The following KCNMA1 variants were observed in gnomAD, a reference collection of about 807,000 sequenced individuals.
KCNMA1 encodes the protein Calcium-activated potassium channel subunit alpha-1.
KCNMA1 carries 29 observed loss-of-function variants against 140.0 expected under a neutral mutation model. The ratio of observed to expected loss-of-function variants is 0.21; its 90% CI spans 0.15 to 0.28. The LOEUF (loss-of-function observed/expected upper bound fraction) is 0.28. Among genes scored for constraint, KCNMA1 ranks in the 10% least tolerant of loss-of-function variants. KCNMA1 has a pLI of 1.00. For missense variants in KCNMA1, 880 were observed against 1,602.2 expected (o/e 0.55, Z 7.70); for synonymous variants, 612 against 611.9 (o/e 1.00, Z 0.00).
intron 25 of KCNMA1, among the ~76,000 whole-genome samples, chr10:76,905,680 CT>C (rs2047548684): frequency 1.3e-5 from 2 of 152,186 alleles, no homozygotes; most frequent in African/African-American, 4.8e-5. Flanking sequence ...TAATTTTACT[CT>C]GACCACTGAG....
chr10:76,877,083 G>T (rs922958693), downstream of KCNMA1: 4 of 152,512 alleles, frequency 2.6e-5, no homozygotes, highest in African/African-American at 9.7e-5. Context: ...TGAACAAAGG[G>T]GTGAGAACTA....
At chr10:77,101,763 G>A (rs960464159) in intron 9 of KCNMA1, among the ~76,000 whole-genome samples, 8 of 152,192 alleles carry the variant, frequency 5.3e-5, no homozygotes, top group Admixed American at 5.2e-4. Context: ...CACCCCTCAT[G>A]AGAGCAGTCC....
chr10:77,408,855 C>A (rs2096555324), intron 1 of KCNMA1, among the ~76,000 whole-genome samples: 1 of 152,158 alleles, frequency 6.6e-6, no homozygotes, highest in African/African-American at 2.4e-5. Context: ...CCCTCTCTCC[C>A]CACTAGAGCC....
At chr10:77,302,214 C>T (rs1473045173) in intron 2 of KCNMA1, among the ~76,000 whole-genome samples, 2 of 152,172 alleles carry the variant, frequency 1.3e-5, no homozygotes, top group Non-Finnish European at 1.5e-5. Context: ...GGTGGAGTAA[C>T]TTGCTCCCAA....
intron 23 of KCNMA1, among the ~76,000 whole-genome samples, chr10:76,915,563 C>T (rs949070560): frequency 9.2e-5 from 14 of 152,190 alleles, no homozygotes; most frequent in Non-Finnish European, 2.1e-4. Flanking sequence ...ACAAAGCATA[C>T]TGAGTGAGTC....
intron 10 of KCNMA1, among the ~76,000 whole-genome samples, chr10:77,087,970 T>A (rs897928875): frequency 6.6e-6 from 1 of 151,634 alleles, no homozygotes; most frequent in Non-Finnish European, 1.5e-5. Context: ...AATATTTATT[T>A]ATTTTATTTT....
chr10:77,234,842 T>C (rs557096364), intron 3 of KCNMA1, among the ~76,000 whole-genome samples: 113 of 152,240 alleles, frequency 7.4e-4, no homozygotes, highest in African/African-American at 2.6e-3. Flanking sequence ...GCCTTCAGAG[T>C]ATTGATTTTT....
At chr10:77,323,640 T>C (rs1304545321) in intron 2 of KCNMA1, among the ~76,000 whole-genome samples, 1 of 152,180 alleles carries the variant, frequency 6.6e-6, no homozygotes, top group African/African-American at 2.4e-5. Flanking sequence ...AATGTGCATA[T>C]AGTTAGGGAG....
intron 2 of KCNMA1, among the ~76,000 whole-genome samples, chr10:77,294,581 C>A (rs2074350124): frequency 6.6e-6 from 1 of 152,232 alleles, no homozygotes; most frequent in Admixed American, 6.5e-5. Flanking sequence ...TGTAAGAATG[C>A]ATTTGCTGTT....
intron 1 of KCNMA1, chr10:77,636,665 T>TC: frequency 6.5e-7 from 1 of 1,535,020 alleles, no homozygotes; most frequent in Non-Finnish European, 8.7e-7. Context: ...GGGATGGATC[T>TC]CCCCAACTTC....
chr10:77,090,041 C>T (rs2096778158), intron 10 of KCNMA1, among the ~76,000 whole-genome samples: 1 of 152,168 alleles, frequency 6.6e-6, no homozygotes. Flanking sequence ...CCACACCATA[C>T]AGCTAATCAT....
Position 77,132,610 on chromosome 10 carries a change from C to T in KCNMA1, c.809-11562G>A, listed in dbSNP as rs575074158. On this transcript the variant is annotated intron_variant, in intron 5 of 27. Transcript: ENST00000286628. ...CGCGATCTCGGCTCACTGCAAGCTC[C>T]GCCCCACGGCCAGCAGATTACATTT... Among the ~76,000 whole-genome samples the T allele has an allele frequency of 7.3e-5, 11 of 151,384 alleles. No individual in the cohort carries two copies. The South Asian group carries it at 1.9e-3, about 26-fold the overall frequency.
intron 2 of KCNMA1, among the ~76,000 whole-genome samples, chr10:77,398,719 C>T (rs533677837): frequency 2.0e-5 from 3 of 152,312 alleles, no homozygotes; most frequent in South Asian, 2.1e-4. Flanking sequence ...AGAGTTGAGT[C>T]GTGGAGCCCA....
chr10:77,118,443 T>A (rs941439143), intron 6 of KCNMA1, among the ~76,000 whole-genome samples: 1 of 152,216 alleles, frequency 6.6e-6, no homozygotes, highest in Non-Finnish European at 1.5e-5. Context: ...TGACGTTTGC[T>A]TCTGTGCCTG....
intron 1 of KCNMA1, among the ~76,000 whole-genome samples, chr10:77,548,005 T>TAA (rs61319330): frequency 2.5e-4 from 37 of 148,872 alleles, no homozygotes; most frequent in African/African-American, 4.9e-4. Context: ...TTTTACAAAT[T>TAA]AAAAAAAAAA....
chr10:77,445,603 A>G (rs2097513498), intron 1 of KCNMA1, among the ~76,000 whole-genome samples: 1 of 152,142 alleles, frequency 6.6e-6, no homozygotes, highest in South Asian at 2.1e-4. Context: ...AATAAGACCA[A>G]GCATTGGGAG....
At position 77,502,658 on chromosome 10, in the gene KCNMA1, T is replaced by C. The variant is rs144915675; in HGVS notation, c.379-98635A>G. 4.4e-3 allele frequency among the ~76,000 whole-genome samples: 675 copies of C among 152,218 alleles called. 1 individual carries two copies. Among genetic ancestry groups the C allele is most frequent in the Middle Eastern group, 6.8e-3 (2 of 294 alleles). Reference sequence around the variant, plus strand: ...GTCCATCTGACAGCAAAGCCTGAACTCTTTCTTCACTGAGTTCAAATTTGC... The same window carrying C: ...GTCCATCTGACAGCAAAGCCTGAACCCTTTCTTCACTGAGTTCAAATTTGC... On this transcript the variant is annotated intron_variant, in intron 1 of 27. Transcript: ENST00000286628.
intron 9 of KCNMA1, among the ~76,000 whole-genome samples, chr10:77,098,985 T>C (rs2097018433): frequency 6.6e-6 from 1 of 152,108 alleles, no homozygotes; most frequent in Non-Finnish European, 1.5e-5. Context: ...GCTAGATGGT[T>C]CTCTGCTCTT....
intron 17 of KCNMA1, among the ~76,000 whole-genome samples, chr10:77,016,058 G>A (rs2091969153): frequency 6.6e-6 from 1 of 152,164 alleles, no homozygotes; most frequent in East Asian, 1.9e-4. Context: ...AAGTGCTTTA[G>A]GAGCCAGCCT....
Sources: allele counts gnomAD v4.1 joint callset (sites outside exome capture counted in the v4.1 genomes callset), GRCh38; gene constraint gnomAD v4.1.1; transcripts MANE v1.5; gene names NCBI Gene and HGNC (gene_info 2026-07-23, HGNC 2026-07-21).